Variants in GPATCH2L observed in about 807,000 individuals in gnomAD.
The protein encoded by GPATCH2L is G-patch domain containing 2 like.
Under a neutral mutation model 57.4 loss-of-function variants are expected in GPATCH2L, and 31 were observed. The ratio of observed to expected loss-of-function variants is 0.54; its 90% CI spans 0.41 to 0.73. The LOEUF is 0.73. Ranked by LOEUF, GPATCH2L falls within the 30% of genes least tolerant of loss-of-function variation. GPATCH2L has a pLI of 0.00. For missense variants in GPATCH2L, 481 were observed against 599.9 expected (o/e 0.80, Z 2.07); for synonymous variants, 199 against 210.7 (o/e 0.94, Z 0.48).
In GPATCH2L at chr14:76,176,643, G is replaced by C. The variant is rs1231238651; in HGVS notation, c.1005G>C (p.Leu335Phe). 2 of 1,610,516 alleles carry C rather than the reference G, an allele frequency of 1.2e-6. No homozygotes were observed. Among genetic ancestry groups the C allele is most frequent in the Admixed American group, 3.3e-5 (2 of 60,020 alleles). The change falls in exon 6 of 10, where the codon TTG (leucine) becomes TTC (phenylalanine). Residue 335 changes from leucine to phenylalanine, a missense_variant. Coordinates refer to ENST00000261530, the MANE Select transcript of GPATCH2L (RefSeq NM_017926.4). ...LVGKETSINT[L>F]GTERISHIIS... is the part of the protein sequence containing the mutation. ...TTTAGGAGACCAGCATAAACACTTT[G>C]GGGACTGAGAGGATAAGCCATATCA...
Position 76,212,351 on chromosome 14 carries a change from G to A in GPATCH2L, c.*10500G>A, listed in dbSNP as rs548698469. 49 of 151,664 alleles carry A rather than the reference G, an allele frequency of 3.2e-4. No individual in the cohort carries two copies. Among genetic ancestry groups the A allele is most frequent in the African/African-American group, 1.0e-3 (43 of 41,398 alleles). 9.4% of individuals were successfully genotyped at this position (151,664 alleles called of 1,614,324 possible). A position where few individuals can be genotyped will look rare whatever the true frequency, so the allele number is the denominator to read the frequency against. On this transcript the variant is annotated 3_prime_UTR_variant, in exon 10 of 10. Coordinates refer to ENST00000261530, the MANE Select transcript of GPATCH2L (RefSeq NM_017926.4). ...ACCAAGCAAACACAAACAAGAAAAT[G>A]AGTTGTAGTCTGCATATCAGGCAAG...
intron 2 of GPATCH2L, among the ~76,000 whole-genome samples, chr14:76,164,954 G>A (rs2038761778): frequency 2.0e-5 from 3 of 152,168 alleles, no homozygotes; most frequent in African/African-American, 7.2e-5. Flanking sequence ...ATAGAGAGAT[G>A]TGAAAAAACA....
At position 76,228,354 on chromosome 14, in the gene GPATCH2L, C is replaced by T. The variant is rs528918849; in HGVS notation, c.66-1454C>T. On this transcript the variant is annotated intron_variant and NMD_transcript_variant, in intron 1 of 3. Transcript: ENST00000556372. ...TGTTTGATGTGTGTGTGTGTGCGTG[C>T]GCGCGCGTGTGTGTGTACACAAAGA... is the stretch of plus-strand genomic sequence containing the variant. 2.0e-5 allele frequency among the ~76,000 whole-genome samples: 3 copies of T among 152,112 alleles called. No homozygotes were observed. In the South Asian group the frequency reaches 6.2e-4, roughly 32 times the overall value.
At chr14:76,169,799 A>G (rs1319865054) in intron 3 of GPATCH2L, among the ~76,000 whole-genome samples, 1 of 152,248 alleles carries the variant, frequency 6.6e-6, no homozygotes, top group Non-Finnish European at 1.5e-5. Flanking sequence ...AATATATTGA[A>G]GTACAGAGAA....
intron 7 of GPATCH2L, chr14:76,178,452 G>T: frequency 3.5e-6 from 1 of 282,714 alleles, no homozygotes; most frequent in Non-Finnish European, 6.9e-6. Context: ...TGAGGGGGGT[G>T]GTTTTGGGAT....
At chr14:76,172,742 T>G (rs889142888) in intron 4 of GPATCH2L, among the ~76,000 whole-genome samples, 1 of 152,222 alleles carries the variant, frequency 6.6e-6, no homozygotes, top group Admixed American at 6.5e-5. Flanking sequence ...AACCAGTTAA[T>G]CAGTTGCCAA....
intron 8 of GPATCH2L, among the ~76,000 whole-genome samples, chr14:76,189,116 A>G (rs550907435): frequency 6.6e-6 from 1 of 151,626 alleles, no homozygotes; most frequent in South Asian, 2.1e-4. Context: ...GCTCTGTAGT[A>G]TAATTTGAAG....
At chr14:76,153,556 G>A (rs1163668661) in intron 1 of GPATCH2L, 1 of 152,190 alleles carries the variant, frequency 6.6e-6, no homozygotes, top group Non-Finnish European at 1.5e-5. Context: ...TGATTGTGTG[G>A]CACTGAAGCA....
intron 8 of GPATCH2L, among the ~76,000 whole-genome samples, chr14:76,190,779 A>G (rs2039935475): frequency 6.6e-6 from 1 of 152,160 alleles, no homozygotes; most frequent in Non-Finnish European, 1.5e-5. Flanking sequence ...AAAAATTTCA[A>G]AATAAATATG....
chr14:76,175,625 G>C (rs1409474155), intron 5 of GPATCH2L: 1 of 152,126 alleles, frequency 6.6e-6, no homozygotes, highest in African/African-American at 2.4e-5. Flanking sequence ...AGGAGGCATA[G>C]CTATAAGAAA....
At chr14:76,166,829 GT>G in intron 3 of GPATCH2L, 102 bp downstream of exon 3, 1 of 847,940 alleles carries the variant, frequency 1.2e-6, no homozygotes, top group South Asian at 1.4e-5. Context: ...GTCTATGGCA[GT>G]GGTTCTCAAA....
intron 1 of GPATCH2L, chr14:76,153,906 T>C (rs1481650877): frequency 1.3e-5 from 2 of 154,788 alleles, no homozygotes; most frequent in African/African-American, 4.8e-5. Flanking sequence ...TGTGCTACTC[T>C]GTGTTTCCAC....
At chr14:76,182,607 GAAAA>G (rs1448424611) in intron 8 of GPATCH2L, among the ~76,000 whole-genome samples, 5 of 124,358 alleles carry the variant, frequency 4.0e-5, no homozygotes, top group Non-Finnish European at 8.7e-5. Context: ...AAAAAAAAAA[GAAAA>G]GAATGTGGAA....
intron 8 of GPATCH2L, among the ~76,000 whole-genome samples, chr14:76,182,133 G>T (rs571242570): frequency 5.3e-5 from 8 of 152,032 alleles, no homozygotes; most frequent in Admixed American, 4.6e-4. Context: ...CGAGGTGGGC[G>T]GATCATGAGG....
intron 5 of GPATCH2L, chr14:76,175,294 A>G (rs1213766070): frequency 6.6e-6 from 1 of 152,142 alleles, no homozygotes; most frequent in Non-Finnish European, 1.5e-5. Context: ...GAATAGGATA[A>G]TATTTACTTG....
chr14:76,171,548 A>C (rs1260320201), intron 3 of GPATCH2L, among the ~76,000 whole-genome samples: 1 of 151,816 alleles, frequency 6.6e-6, no homozygotes, highest in Non-Finnish European at 1.5e-5. Flanking sequence ...ACGCCACTGC[A>C]CTCCAGCCTA....
intron 8 of GPATCH2L, among the ~76,000 whole-genome samples, chr14:76,188,715 TC>T (rs2039861913): frequency 6.6e-6 from 1 of 152,142 alleles, no homozygotes; most frequent in African/African-American, 2.4e-5. Context: ...CTCAATGTGA[TC>T]CCATTTGTCC....
chr14:76,231,211 C>T (rs2040559798), intron 2 of GPATCH2L, among the ~76,000 whole-genome samples: 1 of 152,190 alleles, frequency 6.6e-6, no homozygotes. Flanking sequence ...ACCTCCTTGC[C>T]TCCCTCAAGG....
chr14:76,163,136 G>C (rs1315237426), intron 2 of GPATCH2L, among the ~76,000 whole-genome samples: 1 of 152,122 alleles, frequency 6.6e-6, no homozygotes, highest in African/African-American at 2.4e-5. Flanking sequence ...ATGGGCTTTA[G>C]GCATACACTA....
Sources: gnomAD v4.1 joint callset for allele counts (sites outside exome capture counted in the v4.1 genomes callset) on GRCh38, gnomAD v4.1.1 for gene constraint, MANE v1.5 for transcripts, NCBI Gene and HGNC (gene_info 2026-07-23, HGNC 2026-07-21) for gene names.